TACR3: variants seen among roughly 807,000 people sequenced by gnomAD.
The protein encoded by TACR3 is neuromedin-K receptor.
TACR3 carries 34 observed loss-of-function variants against 35.0 expected under a neutral mutation model. The ratio of observed to expected loss-of-function variants is 0.97; its 90% CI spans 0.74 to 1.30. The LOEUF is 1.30. TACR3 is among the 50% of genes most tolerant of loss of function. TACR3 has a pLI of 0.00. For missense variants in TACR3, 558 were observed against 591.7 expected (o/e 0.94, Z 0.59); for synonymous variants, 233 against 221.1 (o/e 1.05, Z -0.48).
intron 3 of TACR3, among the ~76,000 whole-genome samples, chr4:103,609,083 T>G (rs1320854954): frequency 6.6e-6 from 1 of 152,100 alleles, no homozygotes; most frequent in Non-Finnish European, 1.5e-5. Flanking sequence ...TTGGGCTGCC[T>G]CTAGGGTGGC....
At chr4:103,699,796 G>A (rs755891793) in intron 1 of TACR3, among the ~76,000 whole-genome samples, 2 of 152,110 alleles carry the variant, frequency 1.3e-5, no homozygotes, top group African/African-American at 4.8e-5. Flanking sequence ...TCAGAAGATG[G>A]CAGTAGGAGT....
chr4:103,620,138 T>TA (rs936624121), intron 3 of TACR3, among the ~76,000 whole-genome samples: 2 of 151,422 alleles, frequency 1.3e-5, no homozygotes, highest in African/African-American at 4.9e-5. Context: ...AACAAACATA[T>TA]AAAAAATGCT....
intron 3 of TACR3, among the ~76,000 whole-genome samples, chr4:103,628,989 A>G (rs1260705268): frequency 6.6e-6 from 1 of 152,172 alleles, no homozygotes; most frequent in Non-Finnish European, 1.5e-5. Context: ...TTCAACAGAC[A>G]CAAATCAATA....
intron 3 of TACR3, among the ~76,000 whole-genome samples, chr4:103,650,848 TA>T (rs571009415): frequency 0.24 from 13,206 of 55,990 alleles, 6,019 homozygotes; most frequent in Middle Eastern, 0.29. Flanking sequence ...TTATATATAA[TA>T]ATATATATAT....
At chr4:103,613,222 C>G (rs187042084) in intron 3 of TACR3, among the ~76,000 whole-genome samples, 1 of 152,232 alleles carries the variant, frequency 6.6e-6, no homozygotes, top group East Asian at 1.9e-4. Context: ...AAAAGAAGGA[C>G]TAAGAGCCAG....
At chr4:103,616,416 ATC>A (rs1049055740) in intron 3 of TACR3, among the ~76,000 whole-genome samples, 9 of 152,088 alleles carry the variant, frequency 5.9e-5, no homozygotes, top group African/African-American at 1.7e-4. Context: ...ATGTATATTT[ATC>A]TCTCTATAGA....
chr4:103,719,511 A>G lies in TACR3; in HGVS notation c.165T>C (p.Pro55=), dbSNP rs2110236337. The G allele has an allele frequency of 6.2e-7, 1 of 1,610,426 alleles. No individual in the cohort carries two copies. Among genetic ancestry groups the G allele is most frequent in the Middle Eastern group, 1.7e-4 (1 of 6,050 alleles). Residue 55 remains proline, a synonymous_variant, in exon 1 of 5, where the codon CCT becomes CCC. Transcript: ENST00000304883. ...AAGCCACAGGCAGTCCCAGCGCGGA[A>G]GGGGAGGAGGAGAGGTTGCCAGCTT... ...LDQAGNLSSS[P]SALGLPVASP...
intron 1 of TACR3, among the ~76,000 whole-genome samples, chr4:103,708,407 G>A (rs1030162441): frequency 6.6e-6 from 1 of 152,170 alleles, no homozygotes; most frequent in African/African-American, 2.4e-5. Context: ...GTCTGGAGTG[G>A]ACCTCCAGCA....
intron 1 of TACR3, among the ~76,000 whole-genome samples, chr4:103,671,037 C>A (rs1392868129): frequency 6.6e-6 from 1 of 151,880 alleles, no homozygotes; most frequent in Non-Finnish European, 1.5e-5. Context: ...TGAATTTTAC[C>A]AAATGCTTTT....
intron 3 of TACR3, among the ~76,000 whole-genome samples, chr4:103,636,048 T>G (rs1725180630): frequency 6.6e-6 from 1 of 151,976 alleles, no homozygotes; most frequent in African/African-American, 2.4e-5. Flanking sequence ...CCAGAATTTC[T>G]CAAAAATAAA....
intron 1 of TACR3, among the ~76,000 whole-genome samples, chr4:103,684,061 TAGA>T (rs1191189760): frequency 2.6e-5 from 4 of 152,092 alleles, no homozygotes; most frequent in African/African-American, 9.7e-5. Flanking sequence ...CACATTCAAA[TAGA>T]AGACAATGTC....
At chr4:103,628,544 T>G (rs1405761884) in intron 3 of TACR3, among the ~76,000 whole-genome samples, 1 of 151,744 alleles carries the variant, frequency 6.6e-6, no homozygotes. Context: ...AACTAGAAAA[T>G]CTAGAAGAAA....
At chr4:103,657,395 G>A (rs1027575279) in intron 2 of TACR3, among the ~76,000 whole-genome samples, 1 of 151,972 alleles carries the variant, frequency 6.6e-6, no homozygotes, top group African/African-American at 2.4e-5. Flanking sequence ...TATGAATAGG[G>A]TACTCAGTTT....
At chr4:103,596,016 T>G (rs1253818415) in intron 3 of TACR3, among the ~76,000 whole-genome samples, 1 of 151,010 alleles carries the variant, frequency 6.6e-6, no homozygotes, top group East Asian at 2.0e-4. Context: ...TTTTTTGTTC[T>G]TGTGATAGTT....
At chr4:103,691,998 C>G (rs1455009775) in intron 1 of TACR3, among the ~76,000 whole-genome samples, 1 of 152,196 alleles carries the variant, frequency 6.6e-6, no homozygotes, top group Non-Finnish European at 1.5e-5. Flanking sequence ...TGATTTCCCA[C>G]TTCACACCTC....
At chr4:103,704,366 T>C (rs1483701456) in intron 1 of TACR3, among the ~76,000 whole-genome samples, 4 of 152,114 alleles carry the variant, frequency 2.6e-5, no homozygotes, top group African/African-American at 9.7e-5. Flanking sequence ...GTGTTGACAT[T>C]GCTGTAGAAG....
chr4:103,701,268 G>A (rs1722643115), intron 1 of TACR3, among the ~76,000 whole-genome samples: 1 of 151,732 alleles, frequency 6.6e-6, no homozygotes, highest in African/African-American at 2.4e-5. Context: ...GACAAACAGA[G>A]AGCCAAATCA....
chr4:103,651,927 G>T (rs1009854787), intron 3 of TACR3, among the ~76,000 whole-genome samples: 1 of 151,852 alleles, frequency 6.6e-6, no homozygotes. Flanking sequence ...AACTCTGACT[G>T]GTGCCCTATC....
chr4:103,682,938 T>G (rs1722132525), intron 1 of TACR3, among the ~76,000 whole-genome samples: 1 of 152,172 alleles, frequency 6.6e-6, no homozygotes, highest in South Asian at 2.1e-4. Flanking sequence ...GAGATGGAAC[T>G]TTAGATAACA....
Sources: allele counts gnomAD v4.1 joint callset (sites outside exome capture counted in the v4.1 genomes callset), GRCh38; gene constraint gnomAD v4.1.1; transcripts MANE v1.5; gene names NCBI Gene and HGNC (gene_info 2026-07-23, HGNC 2026-07-21).